Variants in ERCC6L2 observed in about 807,000 individuals in gnomAD.
ERCC6L2 encodes DNA excision repair protein ERCC-6-like 2.
A neutral mutation model predicts 132.0 loss-of-function variants in ERCC6L2; 77 were observed. That is an observed-to-expected ratio of 0.58 (90% CI 0.49 to 0.71). The LOEUF is 0.71. ERCC6L2 is among the 30% of genes least tolerant of loss of function. The pLI is 0.00. For missense variants in ERCC6L2, 1,542 were observed against 1,837.6 expected, an observed-to-expected ratio of 0.84 and a Z score of 2.94; for synonymous variants, 583 against 632.4, an observed-to-expected ratio of 0.92 and a Z score of 1.17.
rs147984545 is a variant in ERCC6L2, at chr9:95,956,002, A to G, written c.1936A>G (p.Ile646Val). The G allele has an allele frequency of 5.9e-5, 94 of 1,583,708 alleles. No individual in the cohort carries two copies. The East Asian group carries it at 2.1e-3, about 35-fold the overall frequency. ...GGAGGAAATCATGTATTTACGACAG[A>G]TATACAAGCAGGTAAATATGTTTCC... is the stretch of plus-strand genomic sequence containing the variant. ...TVEEIMYLRQ[I>V]YKQQLHCVVV... Residue 646 changes from isoleucine to valine, a missense_variant, in exon 13 of 19, where the codon ATA becomes GTA. This residue lies in a region of ERCC6L2 where 945 missense variants were observed against 1,105.2 expected (regional missense o/e 0.86). Transcript: ENST00000653738.
chr9:95,930,427 T>C (rs775769902), intron 11 of ERCC6L2, among the ~76,000 whole-genome samples: 9 of 152,304 alleles, frequency 5.9e-5, no homozygotes, highest in Non-Finnish European at 1.2e-4. Context: ...TTGTTTAGTT[T>C]CTATCATTTT....
chr9:95,880,932 C>G lies in ERCC6L2; in HGVS notation c.110C>G (p.Ala37Gly). ...CCAGATAATGGAAAACTTTGTGAAG[C>G]AAGCATAAAATCTATCACAGTGGAT... Reference protein sequence around the residue: ...PSPDNGKLCEASIKSITVDEN... With the variant: ...PSPDNGKLCEGSIKSITVDEN... Residue 37 changes from alanine to glycine, a missense_variant, in exon 2 of 19, where the codon GCA becomes GGA. Physicochemically the swap from Ala to Gly is moderately conservative, Grantham distance 60. This residue lies in a region of ERCC6L2 where 153 missense variants were observed against 132.3 expected (regional missense o/e 1.16). Coordinates refer to ENST00000653738, the MANE Select transcript of ERCC6L2 (RefSeq NM_020207.7). 1.2e-6 allele frequency: 2 copies of G among 1,613,764 alleles called. No individual in the cohort carries two copies. Among genetic ancestry groups the G allele is most frequent in the Non-Finnish European group, 1.7e-6 (2 of 1,179,858 alleles).
intron 16 of ERCC6L2, among the ~76,000 whole-genome samples, chr9:95,977,628 C>T (rs117614620): frequency 6.6e-5 from 10 of 152,022 alleles, no homozygotes; most frequent in East Asian, 3.9e-4. Flanking sequence ...GCCAATCAAA[C>T]GAAACTCCCT....
intron 19 of ERCC6L2, among the ~76,000 whole-genome samples, chr9:96,026,672 GCACACCACA>G (rs1411218384): frequency 4.7e-5 from 5 of 106,814 alleles, no homozygotes; most frequent in Non-Finnish European, 7.8e-5. Context: ...ACCACACACA[GCACACCACA>G]CACACCACAC....
intron 13 of ERCC6L2, 118 bp from the exon 14 acceptor site, chr9:95,966,444 C>A: frequency 2.2e-6 from 2 of 898,118 alleles, no homozygotes; most frequent in Non-Finnish European, 3.1e-6. Context: ...AAAATTTCCT[C>A]CCTAAGGAGA....
intron 17 of ERCC6L2, among the ~76,000 whole-genome samples, chr9:95,985,245 A>C (rs1251922388): frequency 1.3e-5 from 2 of 152,232 alleles, no homozygotes; most frequent in Admixed American, 1.3e-4. Context: ...CTTAAGAATC[A>C]GGACCATGGG....
intron 12 of ERCC6L2, among the ~76,000 whole-genome samples, chr9:95,941,769 C>A (rs1350952118): frequency 6.6e-6 from 1 of 152,044 alleles, no homozygotes; most frequent in Non-Finnish European, 1.5e-5. Flanking sequence ...ACAGAAATGA[C>A]TTAAGAAGAA....
chr9:95,929,837 T>C (rs1830260861), intron 11 of ERCC6L2, among the ~76,000 whole-genome samples: 1 of 152,152 alleles, frequency 6.6e-6, no homozygotes, highest in Non-Finnish European at 1.5e-5. Flanking sequence ...GTGTTTCCAG[T>C]TGATAGATGC....
chr9:95,925,558 A>G (rs1830064276), intron 9 of ERCC6L2, among the ~76,000 whole-genome samples: 1 of 152,186 alleles, frequency 6.6e-6, no homozygotes. Flanking sequence ...TGTTGATTAC[A>G]TTGTCATTTT....
intron 2 of ERCC6L2, among the ~76,000 whole-genome samples, chr9:95,887,328 T>C (rs1161202537): frequency 1.3e-5 from 2 of 152,190 alleles, no homozygotes; most frequent in Non-Finnish European, 2.9e-5. Context: ...TTTTATTTTT[T>C]ACTGAAGGCA....
chr9:96,019,762 A>C (rs1834252290), downstream of ERCC6L2: 1 of 152,380 alleles, frequency 6.6e-6, no homozygotes, highest in East Asian at 1.9e-4. Context: ...ATTGGCTCAC[A>C]GTTCCTTATA....
At chr9:95,925,544 C>G (rs76365420) in intron 9 of ERCC6L2, among the ~76,000 whole-genome samples, 3,718 of 152,272 alleles carry the variant, frequency 0.024, 71 homozygotes, top group Middle Eastern at 0.048. Context: ...AAGACTCCAA[C>G]ATCTGTTGAT....
chr9:95,913,968 A>G (rs1008493426), intron 4 of ERCC6L2, among the ~76,000 whole-genome samples: 9 of 152,226 alleles, frequency 5.9e-5, no homozygotes, highest in Non-Finnish European at 1.0e-4. Flanking sequence ...ACATTCACAT[A>G]CAAGTCTTTG....
intron 17 of ERCC6L2, among the ~76,000 whole-genome samples, chr9:95,990,252 G>A (rs1447500499): frequency 1.3e-5 from 2 of 152,176 alleles, no homozygotes; most frequent in Non-Finnish European, 2.9e-5. Context: ...ACAGGTGGGG[G>A]ACCATTTCAT....
chr9:96,040,133 C>T (rs1834561910), intron 20 of ERCC6L2, among the ~76,000 whole-genome samples: 1 of 152,048 alleles, frequency 6.6e-6, no homozygotes, highest in Non-Finnish European at 1.5e-5. Flanking sequence ...GAAACTGGGT[C>T]TCCAAGAAAC....
intron 19 of ERCC6L2, among the ~76,000 whole-genome samples, chr9:96,026,210 G>C (rs1343367270): frequency 6.6e-6 from 1 of 152,210 alleles, no homozygotes; most frequent in Non-Finnish European, 1.5e-5. Flanking sequence ...AACTGGGCAT[G>C]ACCGCGCCAC....
intron 13 of ERCC6L2, among the ~76,000 whole-genome samples, chr9:95,965,015 G>A (rs1832087649): frequency 6.6e-6 from 1 of 152,140 alleles, no homozygotes; most frequent in African/African-American, 2.4e-5. Flanking sequence ...GGTAAAATAG[G>A]TAGGTACCCG....
intron 9 of ERCC6L2, among the ~76,000 whole-genome samples, chr9:95,925,948 A>G (rs1830080926): frequency 6.6e-6 from 1 of 152,190 alleles, no homozygotes; most frequent in African/African-American, 2.4e-5. Context: ...TACTTCCCCA[A>G]AGAAGATAAT....
intron 9 of ERCC6L2, among the ~76,000 whole-genome samples, chr9:95,926,988 T>C (rs1830128910): frequency 6.6e-6 from 1 of 152,088 alleles, no homozygotes; most frequent in Non-Finnish European, 1.5e-5. Flanking sequence ...TATCTACCAA[T>C]TTAAAAAGTC....
Sources: gnomAD v4.1 joint callset for allele counts (sites outside exome capture counted in the v4.1 genomes callset) on GRCh38, gnomAD v4.1.1 for gene constraint, gnomAD v4.1.1 regional missense constraint, MANE v1.5 for transcripts, NCBI Gene and HGNC (gene_info 2026-07-23, HGNC 2026-07-21) for gene names.